The following DENND4B variants were observed in gnomAD, a reference collection of about 807,000 sequenced individuals.
DENND4B encodes the protein DENN domain containing 4B.
DENND4B carries 67 observed loss-of-function variants against 161.0 expected under a neutral mutation model. The ratio of observed to expected loss-of-function variants is 0.42; its 90% CI spans 0.34 to 0.51. The LOEUF is 0.51. Among genes scored for constraint, DENND4B ranks in the 20% least tolerant of loss-of-function variants. DENND4B has a pLI of 0.08. For missense variants in DENND4B, 1,481 were observed against 1,968.0 expected (o/e 0.75, Z 4.68); for synonymous variants, 753 against 813.8 (o/e 0.93, Z 1.27).
chr1:153,939,114 T>G, intron 12 of DENND4B, 69 bp from the exon 13 acceptor site: 1 of 1,561,560 alleles, frequency 6.4e-7, no homozygotes, highest in Non-Finnish European at 8.7e-7. Context: ...ATAGCTTTTT[T>G]GAATCTCTTC....
At position 153,944,177 on chromosome 1, in the gene DENND4B, T is replaced by C. The variant is rs753582840; in HGVS notation, c.198A>G (p.Thr66=). Residue 66 remains threonine (T), a synonymous_variant, in exon 2 of 28, where the codon ACA becomes ACG. Coordinates refer to ENST00000361217, the MANE Select transcript of DENND4B (RefSeq NM_014856.3). This position sits in a 1 kb window ranked among gnomAD's most constrained non-coding sequence, Gnocchi z 4.8. ...GGCCCCCAGCAGAAGCCTGGATGCA[T>C]GTGTAGCCCTGGGGCACTTCCTCGC... The part of the protein sequence containing the change: ...ALGEEVPQGY[T]CIQASAGGHP... 6.8e-6 allele frequency: 11 copies of C among 1,612,686 alleles called. No individual in the cohort carries two copies. The highest frequency in any genetic ancestry group is 2.2e-5 in the South Asian group (2 of 90,920).
At position 153,937,225 on chromosome 1, in the gene DENND4B, A is replaced by G. The variant is rs922044418; in HGVS notation, c.2232+263T>C. 2.6e-5 allele frequency among the ~76,000 whole-genome samples: 4 copies of G among 152,254 alleles called. No individual in the cohort carries two copies. Among genetic ancestry groups the G allele is most frequent in the Non-Finnish European group, 5.9e-5 (4 of 68,050 alleles). ...CGTGCAGAGAGGCTGGCCCTTGAGC[A>G]TGGGCAGGTGCCCTAGAAGACATGG... On this transcript the variant is annotated intron_variant, in intron 15 of 27. Coordinates refer to ENST00000361217, the MANE Select transcript of DENND4B (RefSeq NM_014856.3). The surrounding 1 kb of genome is among the most constrained non-coding windows in gnomAD (Gnocchi z 4.7).
Position 153,934,106 on chromosome 1 carries a change from G to T in DENND4B, c.2941+29C>A. 1 of 1,527,328 alleles carries T rather than the reference G, an allele frequency of 6.5e-7. No individual in the cohort carries two copies. Among genetic ancestry groups the T allele is most frequent in the Non-Finnish European group, 8.7e-7 (1 of 1,144,056 alleles). The allele number at this position is 1,527,328 out of a possible 1,614,324, so 94.6% of individuals were successfully genotyped here. ...AAGTGGTTAGGAAAGCTGACTGGGGGAGTGAGGGAGCCAGACAAGGGCACT... is the reference window on the plus strand; with the variant it reads ...AAGTGGTTAGGAAAGCTGACTGGGGTAGTGAGGGAGCCAGACAAGGGCACT... On this transcript the variant is annotated intron_variant, in intron 19 of 27. Transcript: ENST00000361217. The surrounding 1 kb of genome is among the most constrained non-coding windows in gnomAD (Gnocchi z 5.3).
In DENND4B at chr1:153,933,094, C is replaced by T. The variant is rs1411813053; in HGVS notation, c.3454-64G>A. ...CCGCCAGCACTCTGGAGCCCATGCC[C>T]CTTCCCCAGCCCCTCCCACCTCCTC... is the stretch of plus-strand genomic sequence containing the variant. On this transcript the variant is annotated intron_variant, in intron 21 of 27. Coordinates refer to ENST00000361217, the MANE Select transcript of DENND4B (RefSeq NM_014856.3). The surrounding 1 kb of genome is among the most constrained non-coding windows in gnomAD (Gnocchi z 5.7). 4 of 1,610,244 alleles carry T rather than the reference C, an allele frequency of 2.5e-6. No homozygotes were observed. Among genetic ancestry groups the T allele is most frequent in the Non-Finnish European group, 2.5e-6 (3 of 1,177,412 alleles).
rs751314491 is a variant in DENND4B, at chr1:153,942,234, C to T, written c.763G>A (p.Val255Met). 28 of 1,613,874 alleles carry T rather than the reference C, an allele frequency of 1.7e-5. No individual in the cohort carries two copies. The highest frequency in any genetic ancestry group is 5.5e-5 in the South Asian group (5 of 91,096). Residue 255 changes from valine to methionine, a missense_variant, in exon 5 of 28, where the codon GTG becomes ATG. Physicochemically the swap from Val to Met is conservative, Grantham distance 21 (BLOSUM62 1). This residue lies in a region of DENND4B where 806 missense variants were observed against 1,134.4 expected (regional missense o/e 0.71). Coordinates refer to ENST00000361217, the MANE Select transcript of DENND4B (RefSeq NM_014856.3). This position sits in a 1 kb window ranked among gnomAD's most constrained non-coding sequence, Gnocchi z 6.9. The stretch of plus-strand genomic sequence containing the variant: ...AGCACAAAGGTGGAGAAGACGGGCA[C>T]GGGGTACTTGGTCTGGGCAGGCCAG... ...ECWPAQTKYP[V>M]PVFSTFVLTG...
At position 153,932,220 on chromosome 1, in the gene DENND4B, C is replaced by T; in HGVS notation, c.3980G>A (p.Gly1327Glu). 1 of 1,613,756 alleles carries T rather than the reference C, an allele frequency of 6.2e-7. No individual in the cohort carries two copies. Among genetic ancestry groups the T allele is most frequent in the Non-Finnish European group, 8.5e-7 (1 of 1,179,816 alleles). ...LPGLVLASCD[G>E]PSHSQAPSPW... ...GGCACTGACCTGGGAGTGCGAAGGC[C>T]CATCACAGGAGGCCAGCACCAGGCC... The change falls in exon 24 of 28, where the codon GGG becomes GAG. Residue 1327 changes from glycine (G) to glutamate (E), a missense_variant. By Grantham distance (98) the Gly-to-Glu change is moderately conservative (BLOSUM62 -2). Transcript: ENST00000361217. The surrounding 1 kb of genome is among the most constrained non-coding windows in gnomAD (Gnocchi z 5.8).
In DENND4B at chr1:153,936,080, T is replaced by C; in HGVS notation, c.2548A>G (p.Thr850Ala). The change falls in exon 17 of 28, where the codon ACC becomes GCC. Residue 850 changes from threonine (T) to alanine (A), a missense_variant. By Grantham distance (58) the Thr-to-Ala change is moderately conservative. Coordinates refer to ENST00000361217, the MANE Select transcript of DENND4B (RefSeq NM_014856.3). This position sits in a 1 kb window ranked among gnomAD's most constrained non-coding sequence, Gnocchi z 4.1. Reference sequence around the variant, plus strand: ...GGTACCTTATTGTAGTAGCCATAGGTGATGGTGTTGGGCACAATGCCTGCC... The same window carrying C: ...GGTACCTTATTGTAGTAGCCATAGGCGATGGTGTTGGGCACAATGCCTGCC... ...RQAGIVPNTI[T>A]YGYYNKAVLE... 1 of 1,612,940 alleles carries C rather than the reference T, an allele frequency of 6.2e-7. No homozygotes were observed. Among genetic ancestry groups the C allele is most frequent in the South Asian group, 1.1e-5 (1 of 90,774 alleles).
Position 153,944,504 on chromosome 1 carries a change from G to T in DENND4B, c.-23-107C>A. 8.3e-7 allele frequency: 1 copy of T among 1,205,800 alleles called. No homozygotes were observed. The highest frequency in any genetic ancestry group is 1.1e-6 in the Non-Finnish European group (1 of 892,354). The allele number at this position is 1,205,800 out of a possible 1,614,324, so 74.7% of individuals were successfully genotyped here. The stretch of plus-strand genomic sequence containing the variant: ...CTCTTCCTAGTCCTTCCAAAGAAAG[G>T]CAGGATAAGGGGTCGGCCAATCCTG... On this transcript the variant is annotated intron_variant, in intron 1 of 27. Coordinates refer to ENST00000361217, the MANE Select transcript of DENND4B (RefSeq NM_014856.3). The surrounding 1 kb of genome is among the most constrained non-coding windows in gnomAD (Gnocchi z 4.8).
In DENND4B at chr1:153,931,000, A is replaced by G. The variant is rs935003443; in HGVS notation, c.4061T>C (p.Leu1354Pro). 6.2e-7 allele frequency: 1 copy of G among 1,613,108 alleles called. No individual in the cohort carries two copies. The highest frequency in any genetic ancestry group is 8.5e-7 in the Non-Finnish European group (1 of 1,179,630). Residue 1354 changes from leucine to proline, a missense_variant, in exon 25 of 28, where the codon CTG (leucine) becomes CCG (proline). By Grantham distance (98) the Leu-to-Pro change is moderately conservative. Transcript: ENST00000361217. The surrounding 1 kb of genome is among the most constrained non-coding windows in gnomAD (Gnocchi z 4.7). ...SVQVRLLWDV[L>P]TPDPNSCPPL... ...TGGGCAGCTATTGGGGTCAGGGGTCAGTACATCCCACAGCAGCCGTACCTG... is the reference window on the plus strand; with the variant it reads ...TGGGCAGCTATTGGGGTCAGGGGTCGGTACATCCCACAGCAGCCGTACCTG...
intron 17 of DENND4B, chr1:153,935,302 C>G: frequency 3.2e-6 from 1 of 310,186 alleles, no homozygotes; most frequent in South Asian, 5.5e-5. Flanking sequence ...AGTATCATGG[C>G]TAAGGGCCTG....
rs745566108 is a variant in DENND4B at position 153,933,842 on chromosome 1, G to A, written c.2971C>T (p.Arg991Trp). Residue 991 changes from arginine to tryptophan, a missense_variant, in exon 20 of 28, where the codon CGG (arginine) becomes TGG (tryptophan). Around this residue, in one of 3 missense-constraint regions of DENND4B, gnomAD observed 339 missense variants for 330.3 expected, o/e 1.03. Coordinates refer to ENST00000361217, the MANE Select transcript of DENND4B (RefSeq NM_014856.3). The surrounding 1 kb of genome is among the most constrained non-coding windows in gnomAD (Gnocchi z 5.7). The stretch of plus-strand genomic sequence containing the variant: ...TCGTGCCAGGGCACAGGTGATCCCC[G>A]GGGTTCCAGGACCCCCAAGGCCTCT... ...MIEALGVLEP[R>W]GSPVPWHDGS... 15 of 1,613,086 alleles carry A rather than the reference G, an allele frequency of 9.3e-6. No homozygotes were observed. Among genetic ancestry groups the A allele is most frequent in the Middle Eastern group, 1.6e-4 (1 of 6,080 alleles).
Position 153,934,179 on chromosome 1 carries a change from C to T in DENND4B, c.2897G>A (p.Ser966Asn). 1.9e-6 allele frequency: 3 copies of T among 1,596,390 alleles called. No individual in the cohort carries two copies. The highest frequency in any genetic ancestry group is 2.2e-5 in the East Asian group (1 of 44,642). ...CACAGTGGGCTGTGCCCCTCGGGCA[C>T]TGCCCAGGCTACCACTCTTCACCAG... The part of the protein sequence containing the change: ...GRLVKSGSLG[S>N]ARGAQPTVEA... Residue 966 changes from serine (S) to asparagine (N), a missense_variant, in exon 19 of 28, where the codon AGT becomes AAT. Coordinates refer to ENST00000361217, the MANE Select transcript of DENND4B (RefSeq NM_014856.3). The surrounding 1 kb of genome is among the most constrained non-coding windows in gnomAD (Gnocchi z 5.3).
At position 153,933,374 on chromosome 1, in the gene DENND4B, T is replaced by C; in HGVS notation, c.3331-55A>G. 2.5e-6 allele frequency: 4 copies of C among 1,612,118 alleles called. No individual in the cohort carries two copies. The highest frequency in any genetic ancestry group is 1.7e-6 in the Non-Finnish European group (2 of 1,179,304). On this transcript the variant is annotated intron_variant, in intron 20 of 27. Coordinates refer to ENST00000361217, the MANE Select transcript of DENND4B (RefSeq NM_014856.3). This position sits in a 1 kb window ranked among gnomAD's most constrained non-coding sequence, Gnocchi z 5.7. ...CAACCCCATGCTCTTCCACCCAGGA[T>C]ATGTGTTTCAAGCACCCCTCAGAGC... is the stretch of plus-strand genomic sequence containing the variant.
rs1679017767 is a variant in DENND4B at position 153,932,537 on chromosome 1, C to T, written c.3760-97G>A. ...CACATCCAACAGCTTTTGGGATGCCCCTTGCCCTCAAGGGCAAGAGATGTG... is the reference window on the plus strand; with the variant it reads ...CACATCCAACAGCTTTTGGGATGCCTCTTGCCCTCAAGGGCAAGAGATGTG... On this transcript the variant is annotated intron_variant, in intron 23 of 27. Transcript: ENST00000361217. This position sits in a 1 kb window ranked among gnomAD's most constrained non-coding sequence, Gnocchi z 5.8. 3 of 1,558,784 alleles carry T rather than the reference C, an allele frequency of 1.9e-6. No homozygotes were observed. The East Asian group carries it at 6.8e-5, about 35-fold the overall frequency.
In DENND4B at chr1:153,934,305, G is replaced by C; in HGVS notation, c.2774-3C>G. 1 of 1,581,146 alleles carries C rather than the reference G, an allele frequency of 6.3e-7. No individual in the cohort carries two copies. Among genetic ancestry groups the C allele is most frequent in the Non-Finnish European group, 8.6e-7 (1 of 1,166,376 alleles). On this transcript the variant is annotated splice_region_variant and splice_polypyrimidine_tract_variant and intron_variant, in intron 18 of 27. Coordinates refer to ENST00000361217, the MANE Select transcript of DENND4B (RefSeq NM_014856.3). This position sits in a 1 kb window ranked among gnomAD's most constrained non-coding sequence, Gnocchi z 5.3. Reference sequence around the variant, plus strand: ...GGAAGGGCGCTCCAAATAGGGCTCTGTAAAAGACGAGAAGGGGTTTAGAGG... The same window carrying C: ...GGAAGGGCGCTCCAAATAGGGCTCTCTAAAAGACGAGAAGGGGTTTAGAGG...
rs1014985072 is a variant in DENND4B, at chr1:153,945,273, G to A, written c.-23-876C>T. The A allele has an allele frequency of 4.3e-5, 36 of 832,186 alleles. No individual in the cohort carries two copies. In the South Asian group the frequency reaches 4.4e-4, roughly 10 times the overall value. 51.6% of individuals were successfully genotyped at this position (832,186 alleles called of 1,614,324 possible). ...GTGGGGGGTGCTTCAGAGGGGAAGG[G>A]AGGTTACTTCCTGAAACAGTGGAGG... On this transcript the variant is annotated intron_variant, in intron 1 of 27. Transcript: ENST00000361217.
Position 153,940,356 on chromosome 1 carries a change from A to G in DENND4B, c.1502+75T>C. ...CACTTTGTGCCTGAAGCTCTTTTTG[A>G]GCCCGTAGCACTCCACACACTAGCC... On this transcript the variant is annotated intron_variant, in intron 10 of 27. Coordinates refer to ENST00000361217, the MANE Select transcript of DENND4B (RefSeq NM_014856.3). This position sits in a 1 kb window ranked among gnomAD's most constrained non-coding sequence, Gnocchi z 5.6. The G allele has an allele frequency of 6.4e-7, 1 of 1,565,444 alleles. No homozygotes were observed.
Position 153,937,949 on chromosome 1 carries a change from A to G in DENND4B, c.1966-86T>C. The G allele has an allele frequency of 6.4e-7, 1 of 1,574,604 alleles. No individual in the cohort carries two copies. The highest frequency in any genetic ancestry group is 2.2e-5 in the East Asian group (1 of 44,556). On this transcript the variant is annotated intron_variant, in intron 13 of 27. Transcript: ENST00000361217. The surrounding 1 kb of genome is among the most constrained non-coding windows in gnomAD (Gnocchi z 4.7). ...GTCTAGACGATGGCATCTCCCAGGAAAGCTCATCCACAAGGAAAGAGACAC... is the reference window on the plus strand; with the variant it reads ...GTCTAGACGATGGCATCTCCCAGGAGAGCTCATCCACAAGGAAAGAGACAC...
chr1:153,938,327 T>C (rs1012627052), intron 13 of DENND4B, among the ~76,000 whole-genome samples: 1 of 151,340 alleles, frequency 6.6e-6, no homozygotes, highest in African/African-American at 2.4e-5. Flanking sequence ...GAGAATCACT[T>C]GAACCTGGGA....
Sources: allele counts gnomAD v4.1 joint callset (sites outside exome capture counted in the v4.1 genomes callset), GRCh38; gene constraint gnomAD v4.1.1; regional missense constraint gnomAD v4.1.1; non-coding constraint Gnocchi (gnomAD v3.1); transcripts MANE v1.5; gene names NCBI Gene and HGNC (gene_info 2026-07-23, HGNC 2026-07-21).